DCUN1D4: variants seen among roughly 807,000 people sequenced by gnomAD.
DCUN1D4 encodes DCN1-like protein 4.
DCUN1D4 carries 22 observed loss-of-function variants against 47.9 expected under a neutral mutation model. The ratio of observed to expected loss-of-function variants is 0.46; its 90% CI spans 0.33 to 0.66. The LOEUF is 0.66. DCUN1D4 is among the 30% of genes least tolerant of loss of function. The pLI is 0.02. For synonymous variants in DCUN1D4, 121 were observed against 112.2 expected (o/e 1.08, Z -0.50); for missense variants, 301 against 340.8 (o/e 0.88, Z 0.92).
chr4:51,855,776 T>C (rs1337952047), intron 1 of DCUN1D4, among the ~76,000 whole-genome samples: 1 of 152,214 alleles, frequency 6.6e-6, no homozygotes, highest in African/African-American at 2.4e-5. Context: ...TTGTAATGCA[T>C]CCTTTGTGGG....
chr4:51,834,683 G>C, the DCUN1D4 span, among the ~76,000 whole-genome samples: 1 of 152,104 alleles, frequency 6.6e-6, no homozygotes, highest in Non-Finnish European at 1.5e-5. Flanking sequence ...CCCGAAAATG[G>C]GAGCAGTCTG....
chr4:51,897,588 A>G (rs1029461188), intron 7 of DCUN1D4, among the ~76,000 whole-genome samples: 5 of 152,200 alleles, frequency 3.3e-5, no homozygotes, highest in Non-Finnish European at 5.9e-5. Context: ...AAAATAACCA[A>G]TAAGTATGCT....
At chr4:51,871,373 G>A (rs1432198970) in intron 3 of DCUN1D4, among the ~76,000 whole-genome samples, 1 of 152,244 alleles carries the variant, frequency 6.6e-6, no homozygotes, top group Non-Finnish European at 1.5e-5. Context: ...ATCTTGACAA[G>A]TAGGATTCAG....
intron 1 of DCUN1D4, among the ~76,000 whole-genome samples, chr4:51,853,369 T>C (rs1257445793): frequency 6.6e-6 from 1 of 152,244 alleles, no homozygotes; most frequent in Non-Finnish European, 1.5e-5. Context: ...AAATATTTAT[T>C]GATGAGGAGA....
chr4:51,876,600 T>A (rs994796939), intron 4 of DCUN1D4, among the ~76,000 whole-genome samples: 1 of 152,192 alleles, frequency 6.6e-6, no homozygotes, highest in African/African-American at 2.4e-5. Context: ...AGTTGACTGT[T>A]GAACAATACA....
chr4:51,843,543 C>T (rs1342729287), intron 1 of DCUN1D4: 14 of 1,240,894 alleles, frequency 1.1e-5, no homozygotes, highest in African/African-American at 5.1e-5. Flanking sequence ...GAAGGGAGGG[C>T]TGGACGTGCG....
At chr4:51,851,692 A>G (rs762382371) in intron 1 of DCUN1D4, among the ~76,000 whole-genome samples, 14 of 152,166 alleles carry the variant, frequency 9.2e-5, no homozygotes, top group Admixed American at 3.3e-4. Context: ...GCAAAGGGGA[A>G]TGGGGAGGGA....
At chr4:51,859,981 A>C (rs746933122) in intron 1 of DCUN1D4, among the ~76,000 whole-genome samples, 14 of 152,304 alleles carry the variant, frequency 9.2e-5, no homozygotes, top group Non-Finnish European at 1.8e-4. Context: ...CTTTACCCTT[A>C]ACATCTAGGC....
intron 8 of DCUN1D4, chr4:51,905,392 A>T (rs929640018): frequency 7.1e-5 from 18 of 254,590 alleles, no homozygotes; most frequent in African/African-American, 3.7e-4. Flanking sequence ...ATCTTGCTAG[A>T]AGAAGACGGT....
At chr4:51,851,741 C>T (rs1723408187) in intron 1 of DCUN1D4, among the ~76,000 whole-genome samples, 1 of 152,198 alleles carries the variant, frequency 6.6e-6, no homozygotes, top group South Asian at 2.1e-4. Context: ...TTTGCTTCAA[C>T]TGCTTTGCCT....
At chr4:51,906,803 C>T (rs972252902) in intron 8 of DCUN1D4, among the ~76,000 whole-genome samples, 14 of 152,298 alleles carry the variant, frequency 9.2e-5, no homozygotes, top group East Asian at 3.9e-4. Context: ...TTCTTCATAT[C>T]GAAATCTCTC....
chr4:51,868,524 T>G (rs1161220828), intron 3 of DCUN1D4, among the ~76,000 whole-genome samples: 1 of 152,242 alleles, frequency 6.6e-6, no homozygotes, highest in African/African-American at 2.4e-5. Flanking sequence ...CACTTGTGAT[T>G]CCGGTACCCA....
Position 51,911,111 on chromosome 4 carries a change from C to T in DCUN1D4, c.657C>T (p.Cys219=). The change falls in exon 9 of 11, where the codon TGC becomes TGT. Residue 219 remains cysteine, a synonymous_variant. Transcript: ENST00000334635. The part of the protein sequence containing the change: ...QRSLDINTAK[C]MLGLLLGKIW... ...GCCTAGACATAAACACTGCCAAGTG[C>T]ATGTTGGGACTGTTATTAGGAAAAA... is the stretch of plus-strand genomic sequence containing the variant. 1 of 1,613,164 alleles carries T rather than the reference C, an allele frequency of 6.2e-7. No individual in the cohort carries two copies. Among genetic ancestry groups the T allele is most frequent in the East Asian group, 2.2e-5 (1 of 44,844 alleles).
intron 1 of DCUN1D4, among the ~76,000 whole-genome samples, chr4:51,855,723 G>A (rs1471099343): frequency 3.9e-5 from 6 of 152,098 alleles, no homozygotes; most frequent in Non-Finnish European, 8.8e-5. Context: ...TTTCTTTTAT[G>A]CTGCAATAGC....
At chr4:51,886,246 G>A (rs1187895781) in intron 5 of DCUN1D4, among the ~76,000 whole-genome samples, 6 of 152,000 alleles carry the variant, frequency 3.9e-5, no homozygotes, top group Non-Finnish European at 8.8e-5. Context: ...TTTATGTATT[G>A]AAATTATTAC....
chr4:51,878,115 G>A (rs2109998896), intron 5 of DCUN1D4: 1 of 238,038 alleles, frequency 4.2e-6, no homozygotes. Flanking sequence ...TTGGATTGCT[G>A]GGAAACCTAT....
Position 51,913,796 on chromosome 4 carries a change from A to G in DCUN1D4, c.*212A>G. 1 of 486,090 alleles carries G rather than the reference A, an allele frequency of 2.1e-6. No individual in the cohort carries two copies. Among genetic ancestry groups the G allele is most frequent in the Non-Finnish European group, 3.6e-6 (1 of 275,538 alleles). The allele number at this position is 486,090 out of a possible 1,614,324, so 30.1% of individuals were successfully genotyped here. On this transcript the variant is annotated 3_prime_UTR_variant, in exon 11 of 11. Coordinates refer to ENST00000334635, the MANE Select transcript of DCUN1D4 (RefSeq NM_001040402.3). ...CTGCTTTGCAGTTTGTATTTACACT[A>G]CAGATTGGTGAATTTGCCAACGTCC...
At chr4:51,841,987 T>A, upstream of DCUN1D4, among the ~76,000 whole-genome samples, 1 of 14,212 alleles carries the variant, frequency 7.0e-5, no homozygotes, top group South Asian at 2.6e-3. Context: ...AGGGTGGGGG[T>A]GGGTTGGGGT....
At chr4:51,907,110 C>T (rs1733010467) in intron 8 of DCUN1D4, among the ~76,000 whole-genome samples, 1 of 152,194 alleles carries the variant, frequency 6.6e-6, no homozygotes, top group Admixed American at 6.5e-5. Flanking sequence ...TAGGTGTCTG[C>T]AGACGTCATT....
Sources: gnomAD v4.1 joint callset for allele counts (sites outside exome capture counted in the v4.1 genomes callset) on GRCh38, gnomAD v4.1.1 for gene constraint, MANE v1.5 for transcripts, NCBI Gene and HGNC (gene_info 2026-07-23, HGNC 2026-07-21) for gene names.